SKIC2: variants seen among roughly 807,000 people sequenced by gnomAD.
The protein encoded by SKIC2 is SKI2 subunit of superkiller complex, also known as superkiller complex protein 2.
the SKIC2 span, chr6:31,962,010 T>C: frequency 9.2e-4 from 1,491 of 1,613,086 alleles, 3 homozygotes; most frequent in Non-Finnish European, 1.2e-3. This position sits in a 1 kb window ranked among gnomAD's most constrained non-coding sequence, Gnocchi z 5.0. Flanking sequence ...GAAAAACAGT[T>C]GTGGCTGAAT....
chr6:31,964,233 T>C, the SKIC2 span: 2 of 1,612,876 alleles, frequency 1.2e-6, no homozygotes, highest in Non-Finnish European at 1.7e-6. This position sits in a 1 kb window ranked among gnomAD's most constrained non-coding sequence, Gnocchi z 5.0. Flanking sequence ...CCACCAAAGG[T>C]CCTGCACATG....
At chr6:31,969,212 T>G in the SKIC2 span, 1 of 1,590,592 alleles carries the variant, frequency 6.3e-7, no homozygotes, top group Non-Finnish European at 8.6e-7. This position sits in a 1 kb window ranked among gnomAD's most constrained non-coding sequence, Gnocchi z 6.1. Context: ...AATGGCTGCC[T>G]TCTTGATCTG....
chr6:31,966,042 C>T, the SKIC2 span: 2 of 1,425,462 alleles, frequency 1.4e-6, no homozygotes, highest in Non-Finnish European at 1.9e-6. The surrounding 1 kb of genome is among the most constrained non-coding windows in gnomAD (Gnocchi z 5.9). Flanking sequence ...TCGGCAGGGC[C>T]CCAGCTCCAG....
the SKIC2 span, chr6:31,962,975 CTG>C: frequency 2.5e-6 from 4 of 1,602,856 alleles, no homozygotes; most frequent in Non-Finnish European, 3.4e-6. The surrounding 1 kb of genome is among the most constrained non-coding windows in gnomAD (Gnocchi z 5.0). Context: ...CCTTCCCTCT[CTG>C]TGCCCAGCGT....
chr6:31,961,784 C>T, the SKIC2 span: 1 of 1,544,994 alleles, frequency 6.5e-7, no homozygotes, highest in Non-Finnish European at 8.8e-7. Context: ...CCAGGCCAGT[C>T]TTGGTACTCA....
the SKIC2 span, chr6:31,961,547 G>A: frequency 6.3e-7 from 1 of 1,595,836 alleles, no homozygotes; most frequent in Non-Finnish European, 8.6e-7. Flanking sequence ...ACTCTTCCAG[G>A]AAGCGTCCAC....
At chr6:31,963,168 C>T in the SKIC2 span, 1 of 1,087,102 alleles carries the variant, frequency 9.2e-7, no homozygotes, top group Non-Finnish European at 1.4e-6. This position sits in a 1 kb window ranked among gnomAD's most constrained non-coding sequence, Gnocchi z 5.3. Flanking sequence ...CTAAGTCTAC[C>T]ACAGCAAGGA....
chr6:31,962,940 G>A, the SKIC2 span: 1,422 of 1,470,200 alleles, frequency 9.7e-4, 15 homozygotes, highest in Admixed American at 0.017. The surrounding 1 kb of genome is among the most constrained non-coding windows in gnomAD (Gnocchi z 5.0). Context: ...GGGCAGAAGG[G>A]CGGCCCCTGC....
At chr6:31,961,974 CTT>C in the SKIC2 span, 2 of 1,612,964 alleles carry the variant, frequency 1.2e-6, no homozygotes, top group Non-Finnish European at 1.7e-6. Context: ...ATGACTCTGT[CTT>C]TGTCGCAGCT....
At chr6:31,966,988 C>A in the SKIC2 span, 1 of 1,612,956 alleles carries the variant, frequency 6.2e-7, no homozygotes, top group Admixed American at 1.7e-5. The surrounding 1 kb of genome is among the most constrained non-coding windows in gnomAD (Gnocchi z 5.9). Flanking sequence ...CACAGCTTCC[C>A]CTGCTCCCAC....
At chr6:31,964,471 C>G in the SKIC2 span, 14 of 694,602 alleles carry the variant, frequency 2.0e-5, no homozygotes, top group Non-Finnish European at 3.3e-5. This position sits in a 1 kb window ranked among gnomAD's most constrained non-coding sequence, Gnocchi z 5.0. Context: ...TGGATTCAGA[C>G]TACCTGGGTT....
the SKIC2 span, chr6:31,959,687 T>G: frequency 1.8e-6 from 1 of 551,528 alleles, no homozygotes; most frequent in Non-Finnish European, 3.2e-6. Context: ...GTGACTGAGA[T>G]GATAGGCTTT....
chr6:31,969,662 G>A, the SKIC2 span: 1 of 1,609,700 alleles, frequency 6.2e-7, no homozygotes, highest in Non-Finnish European at 8.5e-7. This position sits in a 1 kb window ranked among gnomAD's most constrained non-coding sequence, Gnocchi z 6.1. Flanking sequence ...GGAGACAGCG[G>A]CTACCTTGCT....
the SKIC2 span, chr6:31,969,445 T>G: frequency 6.8e-6 from 11 of 1,614,092 alleles, no homozygotes; most frequent in Middle Eastern, 1.6e-4. The surrounding 1 kb of genome is among the most constrained non-coding windows in gnomAD (Gnocchi z 6.1). Context: ...TTTGGGATTT[T>G]GCAGACGGCT....
chr6:31,965,184 G>A, the SKIC2 span, among the ~76,000 whole-genome samples: 2 of 152,024 alleles, frequency 1.3e-5, no homozygotes. This position sits in a 1 kb window ranked among gnomAD's most constrained non-coding sequence, Gnocchi z 5.6. Context: ...TTCATTCCTG[G>A]GTATATATCA....
At chr6:31,966,818 C>CT in the SKIC2 span, 9 of 1,614,194 alleles carry the variant, frequency 5.6e-6, no homozygotes, top group Non-Finnish European at 7.6e-6. The surrounding 1 kb of genome is among the most constrained non-coding windows in gnomAD (Gnocchi z 5.9). Flanking sequence ...AGGAGCTTCT[C>CT]TGAGTTTCCC....
At chr6:31,969,664 T>C in the SKIC2 span, 4 of 1,609,580 alleles carry the variant, frequency 2.5e-6, no homozygotes, top group Admixed American at 1.7e-5. This position sits in a 1 kb window ranked among gnomAD's most constrained non-coding sequence, Gnocchi z 6.1. Context: ...AGACAGCGGC[T>C]ACCTTGCTAC....
the SKIC2 span, chr6:31,963,784 C>CT: frequency 6.0e-5 from 91 of 1,509,824 alleles, 1 homozygote; most frequent in East Asian, 1.4e-3. The surrounding 1 kb of genome is among the most constrained non-coding windows in gnomAD (Gnocchi z 5.3). Flanking sequence ...TTCCTCCTAT[C>CT]TTTTTTTTCC....
At chr6:31,963,147 C>G in the SKIC2 span, 1 of 1,234,100 alleles carries the variant, frequency 8.1e-7, no homozygotes, top group Non-Finnish European at 1.2e-6. This position sits in a 1 kb window ranked among gnomAD's most constrained non-coding sequence, Gnocchi z 5.3. Flanking sequence ...CTCCTTGATT[C>G]GGGTGGGGGA....
Sources: allele counts gnomAD v4.1 joint callset (sites outside exome capture counted in the v4.1 genomes callset), GRCh38; gene constraint gnomAD v4.1.1; non-coding constraint Gnocchi (gnomAD v3.1); transcripts MANE v1.5; gene names NCBI Gene and HGNC (gene_info 2026-07-23, HGNC 2026-07-21).